PTPRN2: variants seen among roughly 807,000 people sequenced by gnomAD.
The protein encoded by PTPRN2 is receptor-type tyrosine-protein phosphatase N2.
A neutral mutation model predicts 118.8 loss-of-function variants in PTPRN2; 74 were observed. The ratio of observed to expected loss-of-function variants is 0.62; its 90% CI spans 0.52 to 0.76. PTPRN2 has a LOEUF of 0.76. PTPRN2 is among the 30% of genes least tolerant of loss of function. The pLI is 0.00. For missense variants in PTPRN2, 1,481 were observed against 1,394.4 expected (o/e 1.06, Z -0.99); for synonymous variants, 641 against 608.0 (o/e 1.05, Z -0.80).
chr7:158,042,076 C>T (rs181408162), intron 11 of PTPRN2, among the ~76,000 whole-genome samples: 7 of 152,282 alleles, frequency 4.6e-5, no homozygotes, highest in East Asian at 3.9e-4. Context: ...GTAGATCGTG[C>T]GGCTGGACAC....
At chr7:158,072,100 A>ATGGAGGTGCTCGTGG (rs1554529042) in intron 11 of PTPRN2, among the ~76,000 whole-genome samples, 1 of 118,280 alleles carries the variant, frequency 8.5e-6, no homozygotes, top group Non-Finnish European at 1.9e-5. Flanking sequence ...TGCTCGTAGT[A>ATGGAGGTGCTCGTGG]TGGAGGTGCT....
intron 11 of PTPRN2, among the ~76,000 whole-genome samples, chr7:158,046,273 G>C (rs1271417292): frequency 6.7e-6 from 1 of 148,704 alleles, no homozygotes; most frequent in Non-Finnish European, 1.5e-5. Flanking sequence ...TTCTGTCCAG[G>C]AGCAGAAACT....
chr7:158,224,025 C>A (rs953645570), intron 3 of PTPRN2, among the ~76,000 whole-genome samples: 2 of 152,094 alleles, frequency 1.3e-5, no homozygotes, highest in African/African-American at 4.8e-5. Context: ...TAAAACCACT[C>A]AAAGAATACC....
intron 11 of PTPRN2, among the ~76,000 whole-genome samples, chr7:157,914,201 A>G (rs1418696429): frequency 6.6e-6 from 1 of 152,176 alleles, no homozygotes; most frequent in African/African-American, 2.4e-5. Context: ...CAATTTTGTA[A>G]GCTTTTTTTA....
At chr7:158,071,190 CATGGTGGTGGAGGTGCT>C (rs1811445031) in intron 11 of PTPRN2, among the ~76,000 whole-genome samples, 2 of 20,316 alleles carry the variant, frequency 9.8e-5, no homozygotes, top group African/African-American at 2.0e-4. Flanking sequence ...TGGAGGTGCT[CATGGTGGTGGAGGTGCT>C]CGTGGTGGTG....
chr7:158,330,604 C>A (rs865991644), intron 2 of PTPRN2, among the ~76,000 whole-genome samples: 6 of 79,938 alleles, frequency 7.5e-5, no homozygotes, highest in African/African-American at 7.8e-5. Flanking sequence ...ACGTCACTCA[C>A]ACCCACACTC....
intron 5 of PTPRN2, among the ~76,000 whole-genome samples, chr7:158,169,427 T>TGTGC (rs1823330517): frequency 1.4e-5 from 2 of 147,008 alleles, no homozygotes; most frequent in Non-Finnish European, 3.0e-5. Context: ...AGTGTGTGTG[T>TGTGC]GTGTGTGTGT....
chr7:157,824,836 G>C (rs1156560150), intron 12 of PTPRN2, among the ~76,000 whole-genome samples: 5 of 152,204 alleles, frequency 3.3e-5, no homozygotes, highest in African/African-American at 1.2e-4. Context: ...CCGTGAGGCA[G>C]AACCCGCCTC....
intron 6 of PTPRN2, among the ~76,000 whole-genome samples, chr7:158,157,869 C>T (rs1053864957): frequency 6.6e-6 from 1 of 152,190 alleles, no homozygotes; most frequent in Non-Finnish European, 1.5e-5. Context: ...ACACTGAGCC[C>T]GGGACTGTTT....
chr7:158,128,719 C>T lies in PTPRN2; in HGVS notation c.1556+4958G>A, dbSNP rs549894519. On this transcript the variant is annotated intron_variant, in intron 9 of 22. Transcript: ENST00000389418. ...CAAACCACACCGGCCTCCTGCTCTC[C>T]GGGTGAACACCTCGGCATCCATTTG... Among the ~76,000 whole-genome samples, 256 of 152,210 alleles carry T rather than the reference C, an allele frequency of 1.7e-3. 1 individual carries two copies. Among genetic ancestry groups the T allele is most frequent in the African/African-American group, 5.6e-3 (231 of 41,528 alleles).
chr7:158,255,396 T>C (rs1296376923), intron 3 of PTPRN2, among the ~76,000 whole-genome samples: 1 of 152,170 alleles, frequency 6.6e-6, no homozygotes, highest in African/African-American at 2.4e-5. Context: ...GAACAGGGAA[T>C]GCTGCCTTCC....
intron 13 of PTPRN2, among the ~76,000 whole-genome samples, chr7:157,664,228 C>T (rs1229634294): frequency 1.3e-5 from 2 of 152,246 alleles, no homozygotes; most frequent in East Asian, 3.8e-4. Flanking sequence ...ACCGCTGAGG[C>T]GATGACTGAA....
intron 12 of PTPRN2, among the ~76,000 whole-genome samples, chr7:157,796,221 C>T (rs1243030128): frequency 6.6e-6 from 1 of 152,266 alleles, no homozygotes; most frequent in Non-Finnish European, 1.5e-5. Context: ...TTTGTCTCTG[C>T]AAGTATTGAT....
intron 12 of PTPRN2, among the ~76,000 whole-genome samples, chr7:157,721,104 T>C (rs537245251): frequency 6.6e-6 from 1 of 152,242 alleles, no homozygotes; most frequent in Admixed American, 6.5e-5. Flanking sequence ...TAGGTACAGA[T>C]ATAAAACAGA....
chr7:158,155,677 C>A (rs1821728195), intron 6 of PTPRN2, among the ~76,000 whole-genome samples: 1 of 151,962 alleles, frequency 6.6e-6, no homozygotes, highest in African/African-American at 2.4e-5. Context: ...CCAGTGCCAT[C>A]ATCACCATCA....
At chr7:157,657,459 TAC>T (rs200259806) in intron 13 of PTPRN2, among the ~76,000 whole-genome samples, 725 of 42,908 alleles carry the variant, frequency 0.017, 19 homozygotes, top group East Asian at 0.026. Flanking sequence ...ATCACACATA[TAC>T]ACACACATAC....
chr7:158,201,770 C>G (rs527333700), intron 4 of PTPRN2, among the ~76,000 whole-genome samples: 11 of 152,316 alleles, frequency 7.2e-5, no homozygotes, highest in African/African-American at 2.6e-4. Flanking sequence ...GAGTTGTCAA[C>G]CAGAAAATGT....
At chr7:158,146,123 C>T (rs553026924) in intron 6 of PTPRN2, among the ~76,000 whole-genome samples, 1 of 152,148 alleles carries the variant, frequency 6.6e-6, no homozygotes, top group South Asian at 2.1e-4. Flanking sequence ...GCTCTCGCCA[C>T]AGCTCATTGT....
intron 1 of PTPRN2, among the ~76,000 whole-genome samples, chr7:158,528,354 C>T (rs1824947930): frequency 6.6e-6 from 1 of 152,170 alleles, no homozygotes; most frequent in African/African-American, 2.4e-5. Context: ...CAAAACAGGC[C>T]ACTCAATCAC....
Sources: gnomAD v4.1 joint callset for allele counts (sites outside exome capture counted in the v4.1 genomes callset) on GRCh38, gnomAD v4.1.1 for gene constraint, MANE v1.5 for transcripts, NCBI Gene and HGNC (gene_info 2026-07-23, HGNC 2026-07-21) for gene names.